ZNF366: variants seen among roughly 807,000 people sequenced by gnomAD.
ZNF366 encodes dendritic cell-specific transcript protein.
Under a neutral mutation model 47.2 loss-of-function variants are expected in ZNF366, and 20 were observed. The observed-to-expected ratio is 0.42, with a 90% CI of 0.30 to 0.62. The LOEUF (loss-of-function observed/expected upper bound fraction) is 0.62, where lower values mean the gene tolerates loss of function less well. ZNF366 is among the 20% of genes least tolerant of loss of function. The probability of loss-of-function intolerance (pLI) is 0.16; values close to 1 mark genes in which losing one functional copy is unlikely to be tolerated. For missense variants in ZNF366, 987 were observed against 976.3 expected, an observed-to-expected ratio of 1.01 and a Z score of -0.15; for synonymous variants, 421 against 395.1, an observed-to-expected ratio of 1.07 and a Z score of -0.78.
chr5:72,478,093 A>G (rs1169593118), intron 1 of ZNF366, among the ~76,000 whole-genome samples: 5 of 152,162 alleles, frequency 3.3e-5, no homozygotes, highest in African/African-American at 1.2e-4. Flanking sequence ...TTCAGTGAGT[A>G]GGATTGTAAG....
chr5:72,479,204 A>T (rs777289956), intron 1 of ZNF366, among the ~76,000 whole-genome samples: 1 of 152,122 alleles, frequency 6.6e-6, no homozygotes, highest in South Asian at 2.1e-4. Flanking sequence ...CCTTGCCCCT[A>T]TGATTTTTTA....
At chr5:72,484,483 CAA>C (rs770305478) in intron 1 of ZNF366, among the ~76,000 whole-genome samples, 1 of 130,002 alleles carries the variant, frequency 7.7e-6, no homozygotes, top group Non-Finnish European at 1.6e-5. Flanking sequence ...GACTCCGTCT[CAA>C]AAAAAAAAAA....
intron 1 of ZNF366, among the ~76,000 whole-genome samples, chr5:72,488,559 A>G (rs2112349623): frequency 1.3e-5 from 2 of 152,364 alleles, no homozygotes; most frequent in Middle Eastern, 6.8e-3. Context: ...CATGTGTTCA[A>G]AGATACCGCT....
At position 72,447,278 on chromosome 5, in the gene ZNF366, T is replaced by C. The variant is rs905620945; in HGVS notation, c.1664A>G (p.Lys555Arg). The C allele has an allele frequency of 6.2e-7, 1 of 1,614,116 alleles. No individual in the cohort carries two copies. Among genetic ancestry groups the C allele is most frequent in the Non-Finnish European group, 8.5e-7 (1 of 1,180,038 alleles). Residue 555 changes from lysine (K) to arginine (R), a missense_variant, in exon 4 of 5, where the codon AAG becomes AGG. By Grantham distance (26) the Lys-to-Arg change is conservative. Transcript: ENST00000318442. Reference protein sequence around the residue: ...KGNLTRHMKVKHGVMERGLHS... With the variant: ...KGNLTRHMKVRHGVMERGLHS... Reference sequence around the variant, plus strand: ...AAGGCCCCGCTCCATGACTCCATGCTTGACTTTCATGTGGCGTGTCAGGTT... The same window carrying C: ...AAGGCCCCGCTCCATGACTCCATGCCTGACTTTCATGTGGCGTGTCAGGTT...
intron 1 of ZNF366, among the ~76,000 whole-genome samples, chr5:72,463,703 A>G (rs1158022846): frequency 6.6e-6 from 1 of 152,204 alleles, no homozygotes; most frequent in Non-Finnish European, 1.5e-5. Context: ...GTGCTGCGCT[A>G]TCAGAAAGGA....
chr5:72,498,148 C>T (rs1744148063), intron 1 of ZNF366, among the ~76,000 whole-genome samples: 1 of 152,052 alleles, frequency 6.6e-6, no homozygotes, highest in Non-Finnish European at 1.5e-5. Context: ...AATATCTCTA[C>T]AGTTGTTATG....
intron 1 of ZNF366, chr5:72,493,506 G>A (rs1744053291): frequency 6.6e-6 from 1 of 152,158 alleles, no homozygotes; most frequent in South Asian, 2.1e-4. Flanking sequence ...CTTTGATCAA[G>A]TATGCAAACC....
chr5:72,450,664 G>A (rs527482202), intron 3 of ZNF366, among the ~76,000 whole-genome samples: 1 of 152,216 alleles, frequency 6.6e-6, no homozygotes, highest in South Asian at 2.1e-4. Context: ...GAGATACTCG[G>A]GCTCCATTCA....
chr5:72,486,970 T>C (rs1348316770), intron 1 of ZNF366, among the ~76,000 whole-genome samples: 1 of 152,000 alleles, frequency 6.6e-6, no homozygotes, highest in East Asian at 1.9e-4. Flanking sequence ...AGAGACGGGG[T>C]TTCACCATGT....
At chr5:72,475,735 C>G (rs144761332) in intron 1 of ZNF366, among the ~76,000 whole-genome samples, 1 of 152,324 alleles carries the variant, frequency 6.6e-6, no homozygotes, top group African/African-American at 2.4e-5. Flanking sequence ...GACAAAAAGA[C>G]TGGAGCATTC....
intron 1 of ZNF366, among the ~76,000 whole-genome samples, chr5:72,497,317 A>G (rs1448421436): frequency 1.3e-5 from 2 of 152,182 alleles, no homozygotes; most frequent in African/African-American, 2.4e-5. Flanking sequence ...ATACATGTGT[A>G]TAGTGTGAGA....
At chr5:72,458,960 G>A (rs1398365561) in intron 2 of ZNF366, among the ~76,000 whole-genome samples, 2 of 151,888 alleles carry the variant, frequency 1.3e-5, no homozygotes, top group Non-Finnish European at 2.9e-5. Context: ...ACATATAAAG[G>A]AGCCCCTGAA....
rs147994230 is a variant in ZNF366 at position 72,491,583 on chromosome 5, C to T, written c.-15+15668G>A. On this transcript the variant is annotated intron_variant, in intron 1 of 4. Transcript: ENST00000318442. ...CTGTGGAAAATGGGGATAAAAAACA[C>T]TAATAACCCAACTTGCCTGGTTATT... Among the ~76,000 whole-genome samples the T allele has an allele frequency of 7.0e-3, 1,069 of 152,228 alleles. 15 individuals are homozygous for T. The highest frequency in any genetic ancestry group is 0.023 in the African/African-American group (962 of 41,530).
chr5:72,470,995 A>G (rs909999147), intron 1 of ZNF366, among the ~76,000 whole-genome samples: 1 of 152,226 alleles, frequency 6.6e-6, no homozygotes. Context: ...CCAAGGTGAC[A>G]GTGGGCAAAT....
chr5:72,458,150 G>A (rs10942310), intron 2 of ZNF366, among the ~76,000 whole-genome samples: 27,980 of 150,980 alleles, frequency 0.19, 2,810 homozygotes, highest in East Asian at 0.44. Context: ...CCGAGTAGCT[G>A]GAACTACAGG....
Position 72,461,176 on chromosome 5 carries a change from G to A in ZNF366, c.321C>T (p.His107=), listed in dbSNP as rs760754965. The change falls in exon 2 of 5, where the codon CAC becomes CAT. Residue 107 remains histidine, a synonymous_variant. Transcript: ENST00000318442. ...ACAGCAAAGGGAGGTTGGGAAGGCC[G>A]TGGTTTTTGTTCTCCTCTGAGTGGA... The part of the protein sequence containing the change: ...LALHSEENKN[H]GLPNLPLLFP... The A allele has an allele frequency of 3.1e-6, 5 of 1,614,022 alleles. No homozygotes were observed. Among genetic ancestry groups the A allele is most frequent in the Admixed American group, 1.7e-5 (1 of 60,010 alleles).
chr5:72,464,800 C>G (rs905166385), intron 1 of ZNF366, among the ~76,000 whole-genome samples: 4 of 151,490 alleles, frequency 2.6e-5, no homozygotes, highest in African/African-American at 9.7e-5. Flanking sequence ...ATGGCTCATG[C>G]CTGTAATCCC....
At chr5:72,476,859 G>T (rs1013372855) in intron 1 of ZNF366, among the ~76,000 whole-genome samples, 32 of 152,126 alleles carry the variant, frequency 2.1e-4, no homozygotes, top group African/African-American at 7.2e-4. Context: ...AACCCACAAA[G>T]CTTAACAATG....
intron 3 of ZNF366, 25 bp downstream of exon 3, chr5:72,456,379 G>A (rs532029909): frequency 6.3e-7 from 1 of 1,576,854 alleles, no homozygotes; most frequent in Non-Finnish European, 8.7e-7. Flanking sequence ...CAACCCTCTG[G>A]TTCCTCTCTA....
Sources: allele counts gnomAD v4.1 joint callset (sites outside exome capture counted in the v4.1 genomes callset), GRCh38; gene constraint gnomAD v4.1.1; transcripts MANE v1.5; gene names NCBI Gene and HGNC (gene_info 2026-07-23, HGNC 2026-07-21).